GSAP: variants seen among roughly 807,000 people sequenced by gnomAD.
The protein encoded by GSAP is gamma-secretase-activating protein.
Under a neutral mutation model 131.7 loss-of-function variants are expected in GSAP, and 118 were observed. That is an observed-to-expected ratio of 0.90 (90% CI 0.77 to 1.04). The LOEUF (loss-of-function observed/expected upper bound fraction) is 1.04, where lower values mean the gene tolerates loss of function less well. GSAP is among the 50% of genes least tolerant of loss of function. GSAP has a pLI of 0.00. For missense variants in GSAP, 1,019 were observed against 1,013.2 expected, an observed-to-expected ratio of 1.01 and a Z score of -0.08; for synonymous variants, 381 against 363.4, an observed-to-expected ratio of 1.05 and a Z score of -0.55.
At chr7:77,377,690 G>C (rs1322171543) in intron 8 of GSAP, among the ~76,000 whole-genome samples, 1 of 152,172 alleles carries the variant, frequency 6.6e-6, no homozygotes, top group Non-Finnish European at 1.5e-5. Flanking sequence ...ATCAATAGCT[G>C]CATTAATAGA....
chr7:77,393,574 G>C (rs1024733870), intron 5 of GSAP, among the ~76,000 whole-genome samples: 1 of 151,444 alleles, frequency 6.6e-6, no homozygotes, highest in African/African-American at 2.4e-5. Context: ...ACCTGTTCTA[G>C]CCAAAAACCT....
At position 77,355,227 on chromosome 7, in the gene GSAP, A is replaced by C. The variant is rs1283126076; in HGVS notation, c.1324T>G (p.Phe442Val). ...CALYCGQGAQ[F>V]LEAQIIQWIS... ...TATCTTCTCACCTGGGCTTCCAGGA[A>C]CTGCGCACCTTGACCGCAGTAGAGC... The change falls in exon 16 of 31, where the codon TTC becomes GTC. Residue 442 changes from phenylalanine to valine, a missense_variant. Coordinates refer to ENST00000257626, the MANE Select transcript of GSAP (RefSeq NM_017439.4). 1.2e-6 allele frequency: 2 copies of C among 1,611,940 alleles called. No individual in the cohort carries two copies. Among genetic ancestry groups the C allele is most frequent in the South Asian group, 2.2e-5 (2 of 91,032 alleles).
intron 6 of GSAP, among the ~76,000 whole-genome samples, chr7:77,383,808 C>T (rs1322802730): frequency 1.3e-5 from 2 of 152,194 alleles, no homozygotes; most frequent in East Asian, 3.8e-4. Flanking sequence ...TAAAAGGGCA[C>T]AACTTTTATG....
intron 5 of GSAP, among the ~76,000 whole-genome samples, chr7:77,392,420 C>T (rs1325645910): frequency 4.0e-5 from 6 of 151,590 alleles, no homozygotes; most frequent in Non-Finnish European, 2.9e-5. Flanking sequence ...TGGTGGCGCA[C>T]ACTTGTAATC....
At chr7:77,322,729 TGA>T (rs1787839156) in intron 24 of GSAP, among the ~76,000 whole-genome samples, 1 of 151,994 alleles carries the variant, frequency 6.6e-6, no homozygotes, top group Non-Finnish European at 1.5e-5. Flanking sequence ...TATCACTACA[TGA>T]GAATACTAAC....
chr7:77,312,416 G>T (rs973146299), intron 28 of GSAP, among the ~76,000 whole-genome samples: 3 of 152,158 alleles, frequency 2.0e-5, no homozygotes, highest in African/African-American at 7.2e-5. Flanking sequence ...GAGGAAAGTG[G>T]TTTATACACT....
chr7:77,402,616 A>AAAAAAAAAAAAAT lies in GSAP; in HGVS notation c.243+1942_243+1943insATTTTTTTTTTTT, dbSNP rs375595494. Among the ~76,000 whole-genome samples the AAAAAAAAAAAAAT allele has an allele frequency of 7.3e-4, 59 of 80,478 alleles. 2 individuals carry two copies. Among genetic ancestry groups the AAAAAAAAAAAAAT allele is most frequent in the South Asian group, 4.8e-3 (11 of 2,310 alleles). 52.8% of individuals were successfully genotyped at this position (80,478 alleles called of 152,430 possible). On this transcript the variant is annotated intron_variant, in intron 3 of 30. Coordinates refer to ENST00000257626, the MANE Select transcript of GSAP (RefSeq NM_017439.4). ...CTCAAAAAAAAAAAAAAAAAAAAAA[A>AAAAAAAAAAAAAT]GAATTTTAAAGCCCATCTAGATTTG...
At chr7:77,319,282 A>T (rs1250221815) in intron 26 of GSAP, among the ~76,000 whole-genome samples, 5 of 152,210 alleles carry the variant, frequency 3.3e-5, no homozygotes, top group Admixed American at 6.5e-5. Context: ...AATGGCCAAC[A>T]CTTATGTGAA....
chr7:77,325,813 C>T (rs181082210), intron 23 of GSAP, among the ~76,000 whole-genome samples: 42 of 152,290 alleles, frequency 2.8e-4, no homozygotes, highest in African/African-American at 8.4e-4. Flanking sequence ...TCAGGTGATT[C>T]GCCCACCTTG....
At chr7:77,355,789 T>TTTTTTTTTTG in intron 14 of GSAP, 142 bp from the exon 15 acceptor site, 1 of 105,910 alleles carries the variant, frequency 9.4e-6, no homozygotes, top group Non-Finnish European at 1.8e-5. Context: ...GACAGCCCGT[T>TTTTTTTTTTG]TTTTTTTTTT....
intron 19 of GSAP, among the ~76,000 whole-genome samples, chr7:77,346,362 G>A (rs1477517536): frequency 6.6e-6 from 1 of 151,252 alleles, no homozygotes; most frequent in African/African-American, 2.4e-5. Flanking sequence ...TGGGGGCTAG[G>A]GACAAACTAA....
intron 3 of GSAP, among the ~76,000 whole-genome samples, chr7:77,404,232 T>C (rs1190925155): frequency 3.3e-5 from 5 of 152,228 alleles, no homozygotes; most frequent in Non-Finnish European, 5.9e-5. Context: ...CAAACTGCCA[T>C]GGCTCTAAAA....
At chr7:77,372,816 A>G (rs776136218) in intron 12 of GSAP, among the ~76,000 whole-genome samples, 7 of 152,248 alleles carry the variant, frequency 4.6e-5, no homozygotes, top group Admixed American at 1.3e-4. Flanking sequence ...ACAAGGTCCC[A>G]CATAGCCTGG....
At chr7:77,406,634 T>C (rs947009267) in intron 1 of GSAP, among the ~76,000 whole-genome samples, 5 of 152,196 alleles carry the variant, frequency 3.3e-5, no homozygotes, top group African/African-American at 1.2e-4. Flanking sequence ...CTTACTGTGA[T>C]GCTATAAAGC....
Position 77,311,341 on chromosome 7 carries a change from C to G in GSAP, c.*17G>C. 1.4e-6 allele frequency: 2 copies of G among 1,451,470 alleles called. No individual in the cohort carries two copies. Among genetic ancestry groups the G allele is most frequent in the East Asian group, 4.5e-5 (2 of 44,072 alleles). The allele number at this position is 1,451,470 out of a possible 1,614,324, so 89.9% of individuals were successfully genotyped here. ...AAGATTAAAATGGCAGCAGCAGATC[C>G]AATTGCGTTTTCTTTTTCATAAGCC... On this transcript the variant is annotated 3_prime_UTR_variant, in exon 31 of 31. Transcript: ENST00000257626.
At chr7:77,322,582 GTTT>G (rs61272117) in intron 24 of GSAP, among the ~76,000 whole-genome samples, 30 of 125,140 alleles carry the variant, frequency 2.4e-4, no homozygotes, top group African/African-American at 6.4e-4. Context: ...TGTGTTGTGA[GTTT>G]TTTTTTTTTT....
At chr7:77,402,447 T>G (rs1049006247) in intron 3 of GSAP, among the ~76,000 whole-genome samples, 3 of 146,582 alleles carry the variant, frequency 2.0e-5, no homozygotes, top group African/African-American at 5.0e-5. Context: ...AAAAAAAGAT[T>G]AGCTGGGCGT....
At chr7:77,329,456 G>T in intron 20 of GSAP, 65 bp from the exon 21 acceptor site, 1 of 818,822 alleles carries the variant, frequency 1.2e-6, no homozygotes, top group Non-Finnish European at 2.0e-6. Context: ...TTCACGTCAA[G>T]GATATAATGC....
At chr7:77,337,024 G>C (rs527317850) in intron 19 of GSAP, among the ~76,000 whole-genome samples, 1 of 152,224 alleles carries the variant, frequency 6.6e-6, no homozygotes, top group South Asian at 2.1e-4. Context: ...CTATTATACT[G>C]TAATTATACC....
Sources: allele counts gnomAD v4.1 joint callset (sites outside exome capture counted in the v4.1 genomes callset), GRCh38; gene constraint gnomAD v4.1.1; transcripts MANE v1.5; gene names NCBI Gene and HGNC (gene_info 2026-07-23, HGNC 2026-07-21).